The following VPS11 variants were observed in gnomAD, a reference collection of about 807,000 sequenced individuals.
The protein encoded by VPS11 is vacuolar protein sorting-associated protein 11 homolog.
In VPS11, 51 loss-of-function variants were observed where a neutral mutation model predicts 106.8. The observed-to-expected ratio is 0.48, with a 90% CI of 0.38 to 0.60. The LOEUF is 0.60. Ranked by LOEUF, VPS11 falls within the 20% of genes least tolerant of loss-of-function variation. VPS11 has a pLI of 0.00. For missense variants in VPS11, 950 were observed against 1,190.0 expected, an observed-to-expected ratio of 0.80 and a Z score of 2.97; for synonymous variants, 453 against 458.7, an observed-to-expected ratio of 0.99 and a Z score of 0.16.
In VPS11 at chr11:119,073,347, G is replaced by A. The variant is rs781860224; in HGVS notation, c.1034G>A (p.Arg345Gln). 3.7e-6 allele frequency: 6 copies of A among 1,613,720 alleles called. No homozygotes were observed. Among genetic ancestry groups the A allele is most frequent in the East Asian group, 4.5e-5 (2 of 44,900 alleles). Residue 345 changes from arginine to glutamine, a missense_variant, in exon 6 of 16, where the codon CGG becomes CAG. Physicochemically the swap from Arg to Gln is conservative, Grantham distance 43 (BLOSUM62 1). Coordinates refer to ENST00000621676, the MANE Select transcript of VPS11 (RefSeq NM_021729.6). Reference protein sequence around the residue: ...AEWGSLYVLTRDGRVHALQEK... With the variant: ...AEWGSLYVLTQDGRVHALQEK... ...TGGGGCTCCCTGTACGTGCTGACGC[G>A]GGATGGGCGGGTCCACGCACTGCAG...
In VPS11 at chr11:119,078,346, C is replaced by G; in HGVS notation, c.1923+12C>G. The G allele has an allele frequency of 6.2e-7, 1 of 1,607,144 alleles. No individual in the cohort carries two copies. The highest frequency in any genetic ancestry group is 8.5e-7 in the Non-Finnish European group (1 of 1,179,506). On this transcript the variant is annotated intron_variant, in intron 11 of 15. Coordinates refer to ENST00000621676, the MANE Select transcript of VPS11 (RefSeq NM_021729.6). ...AGAAGGATCCACAGGTGAGGCCTGG[C>G]CAGGGCTTCAGGAGAAAAGACAGTT...
At position 119,069,243 on chromosome 11, in the gene VPS11, G is replaced by C; in HGVS notation, c.235G>C (p.Gly79Arg). 1 of 1,613,968 alleles carries C rather than the reference G, an allele frequency of 6.2e-7. No homozygotes were observed. The highest frequency in any genetic ancestry group is 8.5e-7 in the Non-Finnish European group (1 of 1,179,894). The change falls in exon 2 of 16, where the codon GGC becomes CGC. Residue 79 changes from glycine (G) to arginine (R), a missense_variant. Transcript: ENST00000621676. ...CTTGCCACGTTCCCTACAGCTTACA[G>C]GCTTCCAAGCCTACAAACTACGGGT... ...WFLPRSLQLT[G>R]FQAYKLRVTH...
rs782728528 is a variant in VPS11 at position 119,081,649 on chromosome 11, C to T, written c.*26C>T. ...GCAGCCTGGAGGAAGATGTGGGCAA[C>T]AGTGGAGGACCAAGAGAACAGACAC... On this transcript the variant is annotated 3_prime_UTR_variant, in exon 16 of 16. Coordinates refer to ENST00000621676, the MANE Select transcript of VPS11 (RefSeq NM_021729.6). 6 of 1,611,682 alleles carry T rather than the reference C, an allele frequency of 3.7e-6. No homozygotes were observed. In the South Asian group the frequency reaches 6.6e-5, roughly 18 times the overall value.
intron 5 of VPS11, 83 bp downstream of exon 5, chr11:119,071,926 A>C: frequency 6.5e-7 from 1 of 1,531,736 alleles, no homozygotes; most frequent in Non-Finnish European, 8.8e-7. Context: ...TAATGCCTGG[A>C]TACTGCCAAT....
Position 119,069,511 on chromosome 11 carries a change from C to T in VPS11, c.406C>T (p.Pro136Ser). The T allele has an allele frequency of 6.2e-7, 1 of 1,613,984 alleles. No individual in the cohort carries two copies. The highest frequency in any genetic ancestry group is 8.5e-7 in the Non-Finnish European group (1 of 1,179,882). ...CTGCACTCGAATCTTCCCTGCTATT[C>T]CAGGAACAGAGCCAACTGTTGTATC... ...PLCTRIFPAI[P>S]GTEPTVVSCL... The change falls in exon 3 of 16, where the codon CCA becomes TCA. Residue 136 changes from proline (P) to serine (S), a missense_variant. Coordinates refer to ENST00000621676, the MANE Select transcript of VPS11 (RefSeq NM_021729.6).
At chr11:119,068,032 C>CT (rs2133640449) in intron 1 of VPS11, 22 bp downstream of exon 1, 9 of 1,580,378 alleles carry the variant, frequency 5.7e-6, no homozygotes, top group Middle Eastern at 1.7e-4. Flanking sequence ...TTGGAGCTGT[C>CT]TTTTCCCTCC....
intron 5 of VPS11, chr11:119,072,477 G>C (rs1466880839): frequency 6.5e-6 from 1 of 153,694 alleles, no homozygotes; most frequent in Non-Finnish European, 1.4e-5. Flanking sequence ...TGCAAGCTCC[G>C]CCTCCCGGGT....
At chr11:119,079,471 ATTAT>A (rs1334427380) in intron 14 of VPS11, among the ~76,000 whole-genome samples, 171 bp downstream of exon 14, 1 of 152,216 alleles carries the variant, frequency 6.6e-6, no homozygotes, top group Non-Finnish European at 1.5e-5. Flanking sequence ...TACATAGATC[ATTAT>A]TTATTGGGCT....
At chr11:119,079,100 T>C (rs1208414479) in intron 13 of VPS11, 29 bp from the exon 14 acceptor site, 6 of 1,612,060 alleles carry the variant, frequency 3.7e-6, no homozygotes, top group Non-Finnish European at 4.2e-6. Context: ...TGGTTGATTG[T>C]CTTGTTTCCT....
At chr11:119,075,895 C>CT (rs1243042154) in intron 7 of VPS11, among the ~76,000 whole-genome samples, 1 of 149,222 alleles carries the variant, frequency 6.7e-6, no homozygotes, top group South Asian at 2.1e-4. Context: ...GAGCAAGACT[C>CT]TATCAAAAAA....
chr11:119,068,057 G>T (rs2133640756), intron 1 of VPS11, 47 bp downstream of exon 1: 18 of 1,536,820 alleles, frequency 1.2e-5, no homozygotes, highest in Non-Finnish European at 1.5e-5. Flanking sequence ...ATCCCGAAGA[G>T]ATCGAGTTAG....
Position 119,076,882 on chromosome 11 carries a change from C to T in VPS11, c.1239-15C>T. The T allele has an allele frequency of 6.2e-7, 1 of 1,613,532 alleles. No homozygotes were observed. The highest frequency in any genetic ancestry group is 8.5e-7 in the Non-Finnish European group (1 of 1,179,628). ...ACACTGATTCAGATGCTATCGGGTG[C>T]ACATGTCTCCCTAGAACCATTGGAA... On this transcript the variant is annotated splice_polypyrimidine_tract_variant and intron_variant, in intron 7 of 15. Coordinates refer to ENST00000621676, the MANE Select transcript of VPS11 (RefSeq NM_021729.6).
chr11:119,080,034 G>C (rs2509704), intron 14 of VPS11, among the ~76,000 whole-genome samples: 1 of 152,154 alleles, frequency 6.6e-6, no homozygotes, highest in Non-Finnish European at 1.5e-5. Flanking sequence ...AGAAGAGACA[G>C]ACAGCAAACA....
chr11:119,071,438 A>C (rs1002814091), intron 4 of VPS11, among the ~76,000 whole-genome samples, 158 bp from the exon 5 acceptor site: 11 of 152,346 alleles, frequency 7.2e-5, no homozygotes, highest in Admixed American at 2.0e-4. Flanking sequence ...TATATTTAAT[A>C]GATGGGTAAT....
intron 4 of VPS11, chr11:119,070,611 CTT>C (rs10636140): frequency 7.0e-5 from 18 of 255,326 alleles, no homozygotes; most frequent in Non-Finnish European, 8.8e-5. Flanking sequence ...AATTTTCTTT[CTT>C]TTTTTTTTTT....
intron 4 of VPS11, among the ~76,000 whole-genome samples, chr11:119,071,090 G>A (rs567881319): frequency 6.6e-6 from 1 of 151,916 alleles, no homozygotes; most frequent in Non-Finnish European, 1.5e-5. Context: ...CACCATGCCT[G>A]GCTAATTTTT....
Position 119,073,207 on chromosome 11 carries a change from T to C in VPS11, c.894T>C (p.Phe298=). 6.2e-7 allele frequency: 1 copy of C among 1,612,970 alleles called. No individual in the cohort carries two copies. The highest frequency in any genetic ancestry group is 1.1e-5 in the South Asian group (1 of 90,834). ...TTTCTTTCCTATGCAGGTCAGAGTT[T>C]ACCAGCAGGGATTCACAGAGCTCCG... ...RDRKVSPKSE[F]TSRDSQSSDK... is the part of the protein sequence containing the mutation. The change falls in exon 6 of 16, where the codon TTT becomes TTC. Residue 298 remains phenylalanine, a synonymous_variant. Coordinates refer to ENST00000621676, the MANE Select transcript of VPS11 (RefSeq NM_021729.6).
chr11:119,070,942 T>TTTTTTC (rs35007847), intron 4 of VPS11, among the ~76,000 whole-genome samples: 25 of 141,234 alleles, frequency 1.8e-4, no homozygotes, highest in African/African-American at 2.2e-4. Flanking sequence ...TTTTTTTTTT[T>TTTTTTC]CTTTGAGACA....
intron 11 of VPS11, 78 bp downstream of exon 11, chr11:119,078,412 C>G: frequency 6.3e-7 from 1 of 1,583,490 alleles, no homozygotes. Context: ...CTGCCTTTCA[C>G]TGCATTCCTT....
Sources: allele counts gnomAD v4.1 joint callset (sites outside exome capture counted in the v4.1 genomes callset), GRCh38; gene constraint gnomAD v4.1.1; transcripts MANE v1.5; gene names NCBI Gene and HGNC (gene_info 2026-07-23, HGNC 2026-07-21).